SCN3A: variants seen among roughly 807,000 people sequenced by gnomAD.
SCN3A encodes sodium voltage-gated channel alpha subunit 3.
Under a neutral mutation model 187.6 loss-of-function variants are expected in SCN3A, and 60 were observed. The observed-to-expected ratio is 0.32, with a 90% CI of 0.26 to 0.40. SCN3A has a LOEUF of 0.40. Ranked by LOEUF, SCN3A falls within the 10% of genes least tolerant of loss-of-function variation. The pLI is 1.00. For synonymous variants in SCN3A, 788 were observed against 829.2 expected, an observed-to-expected ratio of 0.95 and a Z score of 0.85; for missense variants, 1,601 against 2,428.2, an observed-to-expected ratio of 0.66 and a Z score of 7.16.
chr2:165,155,833 T>C lies in SCN3A; in HGVS notation c.1102A>G (p.Thr368Ala). ...NPNYGYTSFD[T>A]FSWAFLSLFR... ...AGAGACAGGAAAGCCCAGCTAAAGGTGTCAAAGCTTGTGTAGCCATAGTTG... is the reference window on the plus strand; with the variant it reads ...AGAGACAGGAAAGCCCAGCTAAAGGCGTCAAAGCTTGTGTAGCCATAGTTG... The change falls in exon 10 of 28, where the codon ACC (threonine) becomes GCC (alanine). Residue 368 changes from threonine to alanine, a missense_variant. Around this residue, in one of 11 missense-constraint regions of SCN3A, gnomAD observed 47 missense variants for 105.8 expected, o/e 0.44. Transcript: ENST00000283254. 1.9e-6 allele frequency: 3 copies of C among 1,614,022 alleles called. No homozygotes were observed. Among genetic ancestry groups the C allele is most frequent in the Non-Finnish European group, 2.5e-6 (3 of 1,179,962 alleles).
At chr2:165,126,039 T>C (rs1686969677) in intron 18 of SCN3A, among the ~76,000 whole-genome samples, 1 of 152,182 alleles carries the variant, frequency 6.6e-6, no homozygotes, top group Non-Finnish European at 1.5e-5. Context: ...AAGCTATGAG[T>C]TGTAAGATTG....
chr2:165,129,260 G>A (rs553560834), intron 17 of SCN3A, among the ~76,000 whole-genome samples: 1 of 152,310 alleles, frequency 6.6e-6, no homozygotes, highest in Non-Finnish European at 1.5e-5. Context: ...TATAAACTAT[G>A]CTTTTGCATT....
In SCN3A at chr2:165,127,803, A is replaced by G. The variant is rs1687080438; in HGVS notation, c.3221T>C (p.Val1074Ala). ...TTTTTCAACACTGCTTCCAGTACCT[A>G]CACCACTGGTGGTTCCATTCCCATC... is the stretch of plus-strand genomic sequence containing the variant. ...LRDGNGTTSG[V>A]GTGSSVEKYV... is the part of the protein sequence containing the mutation. The change falls in exon 18 of 28, where the codon GTA becomes GCA. Residue 1074 changes from valine to alanine, a missense_variant. By Grantham distance (64) the Val-to-Ala change is moderately conservative (BLOSUM62 0). This residue lies in a region of SCN3A where 267 missense variants were observed against 313.2 expected (regional missense o/e 0.85). Coordinates refer to ENST00000283254, the MANE Select transcript of SCN3A (RefSeq NM_006922.4). The G allele has an allele frequency of 6.2e-7, 1 of 1,614,164 alleles. No individual in the cohort carries two copies. Among genetic ancestry groups the G allele is most frequent in the Non-Finnish European group, 8.5e-7 (1 of 1,180,022 alleles).
chr2:165,099,712 G>A (rs1249038721), intron 22 of SCN3A, among the ~76,000 whole-genome samples: 1 of 152,084 alleles, frequency 6.6e-6, no homozygotes, highest in Non-Finnish European at 1.5e-5. Context: ...GCGAGACTCC[G>A]TCTAAAAACA....
intron 2 of SCN3A, among the ~76,000 whole-genome samples, chr2:165,181,452 A>C (rs1213084476): frequency 2.0e-5 from 3 of 152,234 alleles, no homozygotes; most frequent in Non-Finnish European, 4.4e-5. Flanking sequence ...AGATTTTGAC[A>C]AATTTTATTA....
At chr2:165,123,604 A>G (rs954803897) in intron 18 of SCN3A, among the ~76,000 whole-genome samples, 3 of 152,204 alleles carry the variant, frequency 2.0e-5, no homozygotes, top group Non-Finnish European at 2.9e-5. Flanking sequence ...TCTGCAAAGT[A>G]GAGTTCAATG....
intron 15 of SCN3A, among the ~76,000 whole-genome samples, chr2:165,135,225 C>T (rs575345210): frequency 4.6e-5 from 7 of 152,008 alleles, no homozygotes; most frequent in Non-Finnish European, 7.4e-5. Flanking sequence ...GATTAAAAAA[C>T]AAAACAAAAC....
At chr2:165,116,721 A>G (rs528044465) in intron 18 of SCN3A, among the ~76,000 whole-genome samples, 2 of 152,236 alleles carry the variant, frequency 1.3e-5, no homozygotes, top group East Asian at 3.9e-4. Flanking sequence ...ATATTTTACA[A>G]TGTGAACTAA....
rs780591331 is a variant in SCN3A, at chr2:165,146,796, A to C, written c.1614T>G (p.Leu538=). Reference sequence around the variant, plus strand: ...TCAGTCTGTTTCCATCCATGGAGAAAAGGAAGCTGCTTCTTTTGACGCTGT... The same window carrying C: ...TCAGTCTGTTTCCATCCATGGAGAACAGGAAGCTGCTTCTTTTGACGCTGT... The part of the protein sequence containing the change: ...SEDSVKRSSF[L]FSMDGNRLTS... Residue 538 remains leucine, a synonymous_variant, in exon 12 of 28, where the codon CTT becomes CTG. Transcript: ENST00000283254. 1.2e-6 allele frequency: 2 copies of C among 1,614,048 alleles called. No homozygotes were observed. Among genetic ancestry groups the C allele is most frequent in the Non-Finnish European group, 8.5e-7 (1 of 1,179,958 alleles).
chr2:165,087,866 C>A lies in SCN3A; in HGVS notation c.*2284G>T, dbSNP rs73969173. 7 of 152,186 alleles carry A rather than the reference C, an allele frequency of 4.6e-5. No homozygotes were observed. Among genetic ancestry groups the A allele is most frequent in the Admixed American group, 2.6e-4 (4 of 15,298 alleles). The allele number at this position is 152,186 out of a possible 1,614,324, so 9.4% of individuals were successfully genotyped here. A position where few individuals can be genotyped will look rare whatever the true frequency, so the allele number is the denominator to read the frequency against. On this transcript the variant is annotated 3_prime_UTR_variant, in exon 28 of 28. Transcript: ENST00000283254. ...CAAGGGAGTTAATTGAAATTGAAAG[C>A]TATTGTAGGTGGTTACTACTATTAT...
intron 21 of SCN3A, 119 bp downstream of exon 21, chr2:165,112,766 T>G: frequency 1.1e-6 from 1 of 885,956 alleles, no homozygotes; most frequent in South Asian, 1.5e-5. Context: ...GTTACAGTTT[T>G]GTTTAAATAA....
intron 26 of SCN3A, chr2:165,093,126 A>C (rs1039627070): frequency 6.6e-6 from 1 of 152,282 alleles, no homozygotes; most frequent in East Asian, 1.9e-4. Context: ...CTTGATTTGA[A>C]TAAGTATGAT....
intron 21 of SCN3A, 151 bp downstream of exon 21, chr2:165,112,734 G>T: frequency 1.4e-6 from 1 of 691,876 alleles, no homozygotes; most frequent in Middle Eastern, 4.1e-4. Context: ...TTTCCCATGA[G>T]ATATTCCTCA....
intron 21 of SCN3A, among the ~76,000 whole-genome samples, chr2:165,103,732 C>A (rs1380828556): frequency 6.6e-6 from 1 of 151,984 alleles, no homozygotes; most frequent in Non-Finnish European, 1.5e-5. Context: ...AGGAACCAAA[C>A]AACAGGAATT....
intron 21 of SCN3A, among the ~76,000 whole-genome samples, chr2:165,109,940 T>G (rs536849593): frequency 9.9e-5 from 15 of 152,252 alleles, no homozygotes; most frequent in African/African-American, 3.6e-4. Flanking sequence ...TCTATCTCTT[T>G]TATCTCCTTG....
intron 12 of SCN3A, 127 bp downstream of exon 12, chr2:165,146,612 A>G (rs1329564793): frequency 1.0e-5 from 9 of 903,824 alleles, no homozygotes; most frequent in South Asian, 3.1e-5. Flanking sequence ...TTAAACAACT[A>G]TATTAAATGT....
chr2:165,095,376 A>C, intron 25 of SCN3A, 135 bp downstream of exon 25: 2 of 912,190 alleles, frequency 2.2e-6, no homozygotes, highest in Non-Finnish European at 3.4e-6. Context: ...CCTGCAGCTT[A>C]AATAACCACA....
At chr2:165,153,987 ATTTT>A (rs71393659) in intron 11 of SCN3A, among the ~76,000 whole-genome samples, 41 of 92,764 alleles carry the variant, frequency 4.4e-4, no homozygotes, top group Middle Eastern at 8.1e-3. Flanking sequence ...TATAGCAAAC[ATTTT>A]TTTTTTTTTT....
Position 165,176,155 on chromosome 2 carries a change from C to T in SCN3A, c.240G>A (p.Leu80=), listed in dbSNP as rs567399167. ...PEMVSEPLED[L]DPYYINKKTF... is the part of the protein sequence containing the mutation. ...CTTTCTTATTGATATAGTAGGGATCCAGGTCCTCCAGGGGCTCTGACACCA... is the reference window on the plus strand; with the variant it reads ...CTTTCTTATTGATATAGTAGGGATCTAGGTCCTCCAGGGGCTCTGACACCA... The change falls in exon 3 of 28, where the codon CTG becomes CTA. Residue 80 remains leucine (L), a synonymous_variant. Transcript: ENST00000283254. The T allele has an allele frequency of 3.5e-5, 56 of 1,613,724 alleles. 1 individual carries two copies. In the South Asian group the frequency reaches 5.8e-4, roughly 17 times the overall value.
Sources: gnomAD v4.1 joint callset for allele counts (sites outside exome capture counted in the v4.1 genomes callset) on GRCh38, gnomAD v4.1.1 for gene constraint, gnomAD v4.1.1 regional missense constraint, MANE v1.5 for transcripts, NCBI Gene and HGNC (gene_info 2026-07-23, HGNC 2026-07-21) for gene names.